The following TECTA variants were observed in gnomAD, a reference collection of about 807,000 sequenced individuals.
TECTA encodes the protein alpha-tectorin.
A neutral mutation model predicts 216.8 loss-of-function variants in TECTA; 128 were observed. The observed-to-expected ratio is 0.59, with a 90% CI of 0.51 to 0.68. The LOEUF is 0.68. Among genes scored for constraint, TECTA ranks in the 30% least tolerant of loss-of-function variants. TECTA has a pLI of 0.00. For missense variants in TECTA, 2,551 were observed against 2,786.2 expected, an observed-to-expected ratio of 0.92 and a Z score of 1.90; for synonymous variants, 1,089 against 1,117.1, an observed-to-expected ratio of 0.97 and a Z score of 0.50.
chr11:121,131,080 G>A (rs1215947465), intron 10 of TECTA, among the ~76,000 whole-genome samples: 1 of 152,084 alleles, frequency 6.6e-6, no homozygotes, highest in Non-Finnish European at 1.5e-5. Context: ...CGGGCGTGGT[G>A]GCGGGGGCCT....
chr11:121,125,691 C>T lies in TECTA; in HGVS notation c.1593C>T (p.Asp531=), dbSNP rs374231752. Residue 531 remains aspartate (D), a synonymous_variant, in exon 8 of 24, where the codon GAC becomes GAT. Coordinates refer to ENST00000392793, the MANE Select transcript of TECTA (RefSeq NM_005422.4). ...ACTGCGGCTTCCTCAACAAGACAGA[C>T]GGCCCTCTGTGGGAGTGTGGCACTG... The part of the protein sequence containing the change: ...SDYCGFLNKT[D]GPLWECGTVV... The T allele has an allele frequency of 2.4e-5, 38 of 1,609,796 alleles. No homozygotes were observed. Among genetic ancestry groups the T allele is most frequent in the African/African-American group, 6.7e-5 (5 of 74,996 alleles).
chr11:121,118,851 C>A, intron 7 of TECTA, 133 bp downstream of exon 7: 3 of 1,205,484 alleles, frequency 2.5e-6, no homozygotes, highest in Non-Finnish European at 3.5e-6. Flanking sequence ...GCTCTCCCCG[C>A]CTTGCAAATA....
intron 8 of TECTA, 63 bp downstream of exon 8, chr11:121,125,935 G>A: frequency 1.3e-6 from 2 of 1,561,718 alleles, no homozygotes; most frequent in East Asian, 4.6e-5. Flanking sequence ...ATAGGCTTTG[G>A]GGGCTCCTCC....
At chr11:121,130,967 C>A (rs1287821270) in intron 10 of TECTA, among the ~76,000 whole-genome samples, 1 of 148,316 alleles carries the variant, frequency 6.7e-6, no homozygotes, top group Non-Finnish European at 1.5e-5. Context: ...GGAATCCCAG[C>A]ACTTTGGGAG....
chr11:121,129,363 C>T (rs531600669), intron 9 of TECTA, among the ~76,000 whole-genome samples: 5 of 152,324 alleles, frequency 3.3e-5, no homozygotes, highest in South Asian at 4.2e-4. Flanking sequence ...GTATCTAAGA[C>T]GATTTTTGCT....
rs1946903922 is a variant in TECTA at position 121,152,867 on chromosome 11, C to G, written c.4106-14C>G. 1.9e-6 allele frequency: 3 copies of G among 1,591,286 alleles called. No homozygotes were observed. The highest frequency in any genetic ancestry group is 2.6e-6 in the Non-Finnish European group (3 of 1,162,624). Reference sequence around the variant, plus strand: ...TGTGATCGTGCGAGTCTTGACTTGTCTCTCTTGTTCCAGCTGTCACCTGCC... The same window carrying G: ...TGTGATCGTGCGAGTCTTGACTTGTGTCTCTTGTTCCAGCTGTCACCTGCC... On this transcript the variant is annotated splice_polypyrimidine_tract_variant and intron_variant, in intron 12 of 23. Coordinates refer to ENST00000392793, the MANE Select transcript of TECTA (RefSeq NM_005422.4).
At chr11:121,171,503 G>A (rs1947111997) in intron 20 of TECTA, among the ~76,000 whole-genome samples, 1 of 151,986 alleles carries the variant, frequency 6.6e-6, no homozygotes, top group Non-Finnish European at 1.5e-5. Context: ...TGATCTGTGG[G>A]TTTTTTGTGA....
At chr11:121,169,453 G>T (rs1947089747) in intron 20 of TECTA, among the ~76,000 whole-genome samples, 1 of 152,156 alleles carries the variant, frequency 6.6e-6, no homozygotes, top group Non-Finnish European at 1.5e-5. Context: ...ATGAATGAAT[G>T]AGAAGAAAAG....
At chr11:121,116,618 C>T (rs1946504522) in intron 6 of TECTA, among the ~76,000 whole-genome samples, 1 of 152,150 alleles carries the variant, frequency 6.6e-6, no homozygotes, top group Non-Finnish European at 1.5e-5. Flanking sequence ...TTTTTATGTG[C>T]CTCCGGACAT....
chr11:121,148,709 T>A (rs747992976), intron 12 of TECTA, among the ~76,000 whole-genome samples: 3 of 152,212 alleles, frequency 2.0e-5, no homozygotes, highest in Non-Finnish European at 4.4e-5. Flanking sequence ...GAACTGCCCA[T>A]CAAATTTGTG....
intron 6 of TECTA, among the ~76,000 whole-genome samples, chr11:121,115,838 G>A (rs375557884): frequency 2.0e-5 from 3 of 152,046 alleles, no homozygotes; most frequent in South Asian, 2.1e-4. Flanking sequence ...TTTATTTTTT[G>A]TAGAGATAGG....
At chr11:121,117,591 A>C (rs917155517) in intron 6 of TECTA, among the ~76,000 whole-genome samples, 1 of 152,140 alleles carries the variant, frequency 6.6e-6, no homozygotes, top group Non-Finnish European at 1.5e-5. Context: ...TCTCTTCCTG[A>C]CCTAGAATTT....
chr11:121,160,094 TAC>T, intron 14 of TECTA, 39 bp from the exon 15 acceptor site: 4 of 1,613,604 alleles, frequency 2.5e-6, no homozygotes, highest in Non-Finnish European at 3.4e-6. Context: ...TGCCAACACC[TAC>T]TCTAAGCGTA....
intron 2 of TECTA, among the ~76,000 whole-genome samples, chr11:121,102,982 T>C (rs1946360699): frequency 6.6e-6 from 1 of 152,222 alleles, no homozygotes; most frequent in Admixed American, 6.5e-5. Flanking sequence ...GCTAGTGGAG[T>C]AGATCTTTAA....
intron 20 of TECTA, among the ~76,000 whole-genome samples, chr11:121,179,093 C>T (rs1947199686): frequency 6.6e-6 from 1 of 151,836 alleles, no homozygotes; most frequent in Admixed American, 6.6e-5. Context: ...TTAGCTCTGG[C>T]CTAATCTTTA....
Position 121,113,842 on chromosome 11 carries a change from G to T in TECTA, c.790+124G>T. On this transcript the variant is annotated intron_variant, in intron 6 of 23. Transcript: ENST00000392793. This position sits in a 1 kb window ranked among gnomAD's most constrained non-coding sequence, Gnocchi z 4.2. ...TACTCTTTTGACATCTCTCCGCTGG[G>T]TAATGGAGATCAAGGTAATTTTAGC... The T allele has an allele frequency of 1.7e-6, 2 of 1,153,846 alleles. No individual in the cohort carries two copies. Among genetic ancestry groups the T allele is most frequent in the Admixed American group, 3.9e-5 (2 of 50,982 alleles). 71.5% of individuals were successfully genotyped at this position (1,153,846 alleles called of 1,614,324 possible). A position where few individuals can be genotyped will look rare whatever the true frequency, so the allele number is the denominator to read the frequency against.
chr11:121,125,291 G>C lies in TECTA; in HGVS notation c.1204-11G>C. ...TGCTCACCTGCCTTTCACTATTACT[G>C]TTGTTGGCAGGTTAATGACCTAGTG... On this transcript the variant is annotated splice_polypyrimidine_tract_variant and intron_variant, in intron 7 of 23. Coordinates refer to ENST00000392793, the MANE Select transcript of TECTA (RefSeq NM_005422.4). 1 of 1,611,352 alleles carries C rather than the reference G, an allele frequency of 6.2e-7. No individual in the cohort carries two copies. Among genetic ancestry groups the C allele is most frequent in the Middle Eastern group, 1.7e-4 (1 of 6,060 alleles).
In TECTA at chr11:121,162,212, A is replaced by G. The variant is rs886047844; in HGVS notation, c.5114A>G (p.Tyr1705Cys). Residue 1705 changes from tyrosine to cysteine, a missense_variant, in exon 16 of 24, where the codon TAT (tyrosine) becomes TGT (cysteine). By Grantham distance (194) the Tyr-to-Cys change is radical. Coordinates refer to ENST00000392793, the MANE Select transcript of TECTA (RefSeq NM_005422.4). ...ATGAAGGGCTTCTTCCAGCCCTGCT[A>G]TGGGCTTCTCGATCCCCTCCCATTC... ...TDMKGFFQPC[Y>C]GLLDPLPFYE... is the part of the protein sequence containing the mutation. 3 of 1,613,998 alleles carry G rather than the reference A, an allele frequency of 1.9e-6. No individual in the cohort carries two copies. The highest frequency in any genetic ancestry group is 1.3e-5 in the African/African-American group (1 of 74,916).
At chr11:121,167,279 C>A (rs758061686) in intron 18 of TECTA, among the ~76,000 whole-genome samples, 9 of 152,100 alleles carry the variant, frequency 5.9e-5, no homozygotes, top group Admixed American at 1.3e-4. Context: ...TTTAAAAAAT[C>A]TAAAAATTAG....
Sources: gnomAD v4.1 joint callset for allele counts (sites outside exome capture counted in the v4.1 genomes callset) on GRCh38, gnomAD v4.1.1 for gene constraint, Gnocchi (gnomAD v3.1) non-coding constraint, MANE v1.5 for transcripts, NCBI Gene and HGNC (gene_info 2026-07-23, HGNC 2026-07-21) for gene names.